Variants in BEND5 observed in about 807,000 individuals in gnomAD.
BEND5 encodes BEN domain containing 5, also known as BEN domain-containing protein 5.
Under a neutral mutation model 43.9 loss-of-function variants are expected in BEND5, and 22 were observed. The observed-to-expected ratio is 0.50, with a 90% CI of 0.36 to 0.72. BEND5 has a LOEUF of 0.72. BEND5 is among the 30% of genes least tolerant of loss of function. The probability of loss-of-function intolerance (pLI) is 0.00; values close to 1 mark genes in which losing one functional copy is unlikely to be tolerated. For missense variants in BEND5, 428 were observed against 550.6 expected (o/e 0.78, Z 2.23); for synonymous variants, 228 against 225.9 (o/e 1.01, Z -0.08).
intron 1 of BEND5, among the ~76,000 whole-genome samples, chr1:48,762,491 T>G (rs940593039): frequency 6.6e-6 from 1 of 152,198 alleles, no homozygotes; most frequent in Non-Finnish European, 1.5e-5. Context: ...CTTTAGAGAT[T>G]GCTGTTTCTC....
intron 3 of BEND5, among the ~76,000 whole-genome samples, chr1:48,755,364 C>T (rs940373900): frequency 5.3e-5 from 8 of 152,192 alleles, no homozygotes; most frequent in African/African-American, 1.9e-4. Flanking sequence ...TGAGCACCTC[C>T]TGACCTGTTG....
chr1:48,776,592 G>T lies in BEND5; in HGVS notation c.226+14C>A. The T allele has an allele frequency of 1.0e-6, 1 of 975,260 alleles. No individual in the cohort carries two copies. 60.4% of individuals were successfully genotyped at this position (975,260 alleles called of 1,614,324 possible). A position where few individuals can be genotyped will look rare whatever the true frequency, so the allele number is the denominator to read the frequency against. Reference sequence around the variant, plus strand: ...CGCCCGGGTCCCACCGTCCCTCCCCGCCCGCTTGCTCACCTGCCAGCGCCA... The same window carrying T: ...CGCCCGGGTCCCACCGTCCCTCCCCTCCCGCTTGCTCACCTGCCAGCGCCA... On this transcript the variant is annotated intron_variant, in intron 1 of 5. Coordinates refer to ENST00000371833, the MANE Select transcript of BEND5 (RefSeq NM_024603.4).
At chr1:48,749,330 T>C (rs1651286947) in intron 3 of BEND5, among the ~76,000 whole-genome samples, 1 of 152,172 alleles carries the variant, frequency 6.6e-6, no homozygotes, top group African/African-American at 2.4e-5. Flanking sequence ...GGGATGTTCC[T>C]GCTATATCCC....
intron 3 of BEND5, among the ~76,000 whole-genome samples, chr1:48,749,865 C>T (rs1651392988): frequency 6.6e-6 from 1 of 152,202 alleles, no homozygotes; most frequent in Non-Finnish European, 1.5e-5. Flanking sequence ...ATTGAAGGCC[C>T]ACACATGTAT....
At chr1:48,767,757 T>A (rs1343146490) in intron 1 of BEND5, among the ~76,000 whole-genome samples, 1 of 152,192 alleles carries the variant, frequency 6.6e-6, no homozygotes, top group Non-Finnish European at 1.5e-5. Context: ...CAAAAATAAA[T>A]GTGCAGCCTC....
intron 3 of BEND5, among the ~76,000 whole-genome samples, chr1:48,743,929 C>G (rs1054147049): frequency 6.6e-6 from 1 of 152,140 alleles, no homozygotes; most frequent in Non-Finnish European, 1.5e-5. Flanking sequence ...AACTGAAAGA[C>G]GAAGTCTCTG....
intron 3 of BEND5, among the ~76,000 whole-genome samples, chr1:48,745,874 T>C (rs575634347): frequency 6.6e-6 from 1 of 152,182 alleles, no homozygotes; most frequent in South Asian, 2.1e-4. Flanking sequence ...GCCCCTACTC[T>C]ACCATAATAA....
Position 48,759,072 on chromosome 1 carries a change from C to T in BEND5, c.573G>A (p.Gln191=). ...ALYEELLRNY[Q]QQQEEMRHLQ... ...GGTGGCGCATCTCTTCCTGTTGCTG[C>T]TGGTAGTTGCGCAGCAGCTCCTCAT... Residue 191 remains glutamine (Q), a synonymous_variant, in exon 3 of 6, where the codon CAG becomes CAA. Coordinates refer to ENST00000371833, the MANE Select transcript of BEND5 (RefSeq NM_024603.4). The T allele has an allele frequency of 6.2e-7, 1 of 1,612,920 alleles. No individual in the cohort carries two copies. The highest frequency in any genetic ancestry group is 1.3e-5 in the African/African-American group (1 of 75,024).
At position 48,771,964 on chromosome 1, in the gene BEND5, G is replaced by A. The variant is rs899454156; in HGVS notation, c.226+4642C>T. ...TTGAATGAAAACTTAAAATCCTACG[G>A]CAGGTTTCTGTTCTGAAAAACAAGC... is the stretch of plus-strand genomic sequence containing the variant. On this transcript the variant is annotated intron_variant, in intron 1 of 5. Transcript: ENST00000371833. 3.3e-5 allele frequency among the ~76,000 whole-genome samples: 5 copies of A among 152,144 alleles called. No individual in the cohort carries two copies. The South Asian group carries it at 8.3e-4, about 25-fold the overall frequency.
At chr1:48,746,500 T>A (rs1650790986) in intron 3 of BEND5, among the ~76,000 whole-genome samples, 1 of 152,232 alleles carries the variant, frequency 6.6e-6, no homozygotes, top group Non-Finnish European at 1.5e-5. Flanking sequence ...ATATTGAAGC[T>A]ACTATACTGA....
intron 1 of BEND5, among the ~76,000 whole-genome samples, chr1:48,767,756 A>G (rs1207490342): frequency 6.6e-6 from 1 of 152,234 alleles, no homozygotes; most frequent in South Asian, 2.1e-4. Context: ...ACAAAAATAA[A>G]TGTGCAGCCT....
In BEND5 at chr1:48,776,660, G is replaced by C; in HGVS notation, c.172C>G (p.Pro58Ala). ...GAGPESPPRA[P>A]RDWGALLLHK... ...AGCAACAGCGCGCCCCAGTCGCGGG[G>C]GGCGCGCGGGGGGCTCTCGGGCCCG... Residue 58 changes from proline (P) to alanine (A), a missense_variant, in exon 1 of 6, where the codon CCC becomes GCC. By Grantham distance (27) the Pro-to-Ala change is conservative (BLOSUM62 -1). This residue lies in a region of BEND5 where 107 missense variants were observed against 98.8 expected (regional missense o/e 1.08). Transcript: ENST00000371833. The C allele has an allele frequency of 6.7e-7, 1 of 1,494,240 alleles. No individual in the cohort carries two copies. Among genetic ancestry groups the C allele is most frequent in the Non-Finnish European group, 8.9e-7 (1 of 1,124,944 alleles). The allele number at this position is 1,494,240 out of a possible 1,614,324, so 92.6% of individuals were successfully genotyped here.
intron 3 of BEND5, among the ~76,000 whole-genome samples, chr1:48,754,588 A>G (rs1457139287): frequency 2.0e-5 from 3 of 152,288 alleles, no homozygotes; most frequent in African/African-American, 7.2e-5. Flanking sequence ...AGAAAAAGGA[A>G]AAGGGGACTG....
intron 2 of BEND5, 168 bp from the exon 3 acceptor site, chr1:48,759,452 A>G (rs1387615433): frequency 8.0e-7 from 1 of 1,255,334 alleles, no homozygotes; most frequent in African/African-American, 1.5e-5. Flanking sequence ...TAAATGGGGA[A>G]ACATTTTATA....
At position 48,776,576 on chromosome 1, in the gene BEND5, C is replaced by A; in HGVS notation, c.226+30G>T. On this transcript the variant is annotated intron_variant, in intron 1 of 5. Transcript: ENST00000371833. ...CCGGGGTCCCAGCCCCCGCCCGGGT[C>A]CCACCGTCCCTCCCCGCCCGCTTGC... 7.1e-6 allele frequency: 8 copies of A among 1,122,998 alleles called. No homozygotes were observed. In the South Asian group the frequency reaches 8.9e-5, roughly 13 times the overall value. The allele number at this position is 1,122,998 out of a possible 1,614,324, so 69.6% of individuals were successfully genotyped here.
intron 4 of BEND5, among the ~76,000 whole-genome samples, chr1:48,738,924 T>C (rs1649484584): frequency 6.6e-6 from 1 of 152,202 alleles, no homozygotes; most frequent in Non-Finnish European, 1.5e-5. Flanking sequence ...TTTACAGATG[T>C]AAACAGAGAT....
chr1:48,748,886 C>T (rs1018145258), intron 3 of BEND5, among the ~76,000 whole-genome samples: 3 of 152,098 alleles, frequency 2.0e-5, no homozygotes, highest in East Asian at 1.9e-4. Context: ...GAGCAGGCTT[C>T]GTTGGGCAGA....
chr1:48,768,144 T>TG (rs1211691753), intron 1 of BEND5, among the ~76,000 whole-genome samples: 1 of 149,318 alleles, frequency 6.7e-6, no homozygotes, highest in Non-Finnish European at 1.5e-5. Flanking sequence ...AGGAAGTTGC[T>TG]GTAACTTCCT....
intron 2 of BEND5, among the ~76,000 whole-genome samples, chr1:48,760,871 T>C (rs982781184): frequency 6.6e-6 from 1 of 152,186 alleles, no homozygotes; most frequent in Admixed American, 6.5e-5. Flanking sequence ...TGCAACCTCA[T>C]GCAAATGTTT....
Sources: gnomAD v4.1 joint callset for allele counts (sites outside exome capture counted in the v4.1 genomes callset) on GRCh38, gnomAD v4.1.1 for gene constraint, gnomAD v4.1.1 regional missense constraint, MANE v1.5 for transcripts, NCBI Gene and HGNC (gene_info 2026-07-23, HGNC 2026-07-21) for gene names.